SNED1: variants seen among roughly 807,000 people sequenced by gnomAD.
The protein encoded by SNED1 is sushi, nidogen and EGF like domains 1, also known as sushi, nidogen and EGF-like domain-containing protein 1.
A neutral mutation model predicts 166.7 loss-of-function variants in SNED1; 81 were observed. The observed-to-expected ratio is 0.49, with a 90% CI of 0.41 to 0.58. SNED1 has a LOEUF of 0.58. SNED1 is among the 20% of genes least tolerant of loss of function. SNED1 has a pLI of 0.00. For synonymous variants in SNED1, 762 were observed against 822.0 expected (o/e 0.93, Z 1.25); for missense variants, 1,604 against 2,000.2 (o/e 0.80, Z 3.78).
intron 1 of SNED1, among the ~76,000 whole-genome samples, chr2:241,014,116 C>G (rs1209951746): frequency 6.6e-6 from 1 of 151,812 alleles, no homozygotes; most frequent in Non-Finnish European, 1.5e-5. Context: ...TCAAGTGATT[C>G]TTGTGCCTCA....
chr2:241,002,650 G>T (rs1559206494), intron 1 of SNED1, among the ~76,000 whole-genome samples: 1 of 152,112 alleles, frequency 6.6e-6, no homozygotes, highest in South Asian at 2.1e-4. Flanking sequence ...GATCTGCCTG[G>T]ACCTCACAGG....
chr2:241,084,111 T>A (rs1046426825), intron 29 of SNED1, among the ~76,000 whole-genome samples: 5 of 151,450 alleles, frequency 3.3e-5, no homozygotes, highest in African/African-American at 1.2e-4. Context: ...TTGTACGAGT[T>A]CAATATGATG....
intron 1 of SNED1, among the ~76,000 whole-genome samples, chr2:241,014,957 C>T (rs1049649295): frequency 3.3e-5 from 5 of 152,184 alleles, no homozygotes; most frequent in Admixed American, 1.3e-4. Context: ...TGGCTGTTCC[C>T]GGGCTCTCCC....
In SNED1 at chr2:241,020,342, G is replaced by A. The variant is rs574566334; in HGVS notation, c.214-9942G>A. On this transcript the variant is annotated intron_variant, in intron 1 of 31. Coordinates refer to ENST00000310397, the MANE Select transcript of SNED1 (RefSeq NM_001080437.3). ...TCTTCTGCTGTCTCCCAGAGTTGGC[G>A]CTGGGGCTGGACAGCCACTGCCCAG... 2.6e-5 allele frequency among the ~76,000 whole-genome samples: 4 copies of A among 152,340 alleles called. No homozygotes were observed. The East Asian group carries it at 7.7e-4, about 29-fold the overall frequency.
At chr2:241,065,185 C>T (rs1014673952) in intron 20 of SNED1, 114 bp from the exon 21 acceptor site, 7 of 1,096,860 alleles carry the variant, frequency 6.4e-6, no homozygotes, top group African/African-American at 3.1e-5. Context: ...ACTCTGCCAG[C>T]GATGGCTGTG....
At chr2:241,036,611 C>G (rs1042315966) in intron 4 of SNED1, among the ~76,000 whole-genome samples, 179 bp from the exon 5 acceptor site, 1 of 152,176 alleles carries the variant, frequency 6.6e-6, no homozygotes, top group Non-Finnish European at 1.5e-5. Context: ...CCCTGCTCCC[C>G]TGCTCCCCTG....
chr2:241,024,530 G>A (rs1438695723), intron 1 of SNED1, among the ~76,000 whole-genome samples: 1 of 151,342 alleles, frequency 6.6e-6, no homozygotes, highest in Non-Finnish European at 1.5e-5. Flanking sequence ...ACAGGTGTAA[G>A]CCACCGCACC....
chr2:241,063,857 G>A (rs2062325378), intron 18 of SNED1, among the ~76,000 whole-genome samples, 155 bp from the exon 19 acceptor site: 1 of 151,982 alleles, frequency 6.6e-6, no homozygotes, highest in Non-Finnish European at 1.5e-5. Flanking sequence ...TGGAGGTGAG[G>A]GTGCTGGGGA....
rs775507392 is a variant in SNED1, at chr2:241,048,394, C to T, written c.1353C>T (p.Tyr451=). 4 of 1,611,756 alleles carry T rather than the reference C, an allele frequency of 2.5e-6. No individual in the cohort carries two copies. Among genetic ancestry groups the T allele is most frequent in the East Asian group, 2.2e-5 (1 of 44,848 alleles). ...CCTGTGTGGATGCGGACCAGGGCTACGTGTGCGAGTGCCCCGAAGGCTTCA... is the reference window on the plus strand; with the variant it reads ...CCTGTGTGGATGCGGACCAGGGCTATGTGTGCGAGTGCCCCGAAGGCTTCA... ...GGTCVDADQG[Y]VCECPEGFMG... The change falls in exon 9 of 32, where the codon TAC becomes TAT. Residue 451 remains tyrosine (Y), a synonymous_variant. Coordinates refer to ENST00000310397, the MANE Select transcript of SNED1 (RefSeq NM_001080437.3).
At chr2:241,080,411 C>A (rs940716980) in intron 27 of SNED1, among the ~76,000 whole-genome samples, 6 of 152,158 alleles carry the variant, frequency 3.9e-5, no homozygotes, top group Non-Finnish European at 5.9e-5. Context: ...ATTGAAAGGC[C>A]TGAAGCTGTG....
At position 241,053,144 on chromosome 2, in the gene SNED1, G is replaced by T; in HGVS notation, c.2084-9G>T. On this transcript the variant is annotated splice_polypyrimidine_tract_variant and intron_variant, in intron 15 of 31. Transcript: ENST00000310397. ...AGGACCGTGCGAGACAGGCTGCCGT[G>T]CCTTGCAGAGGTGGACTGCGGCCCC... The T allele has an allele frequency of 6.2e-7, 1 of 1,607,116 alleles. No individual in the cohort carries two copies.
In SNED1 at chr2:241,071,718, C is replaced by CCCCCGGA; in HGVS notation, c.3732_3733insCCCCGGA (p.Arg1245ProfsTer56). On this transcript the variant is annotated frameshift_variant and splice_region_variant, in exon 25 of 32. Coordinates refer to ENST00000310397, the MANE Select transcript of SNED1 (RefSeq NM_001080437.3). LOFTEE classifies it high-confidence loss of function. ...CCCCCGAGACCCCCACCCAGCCCCCCAGGTACATGCCCCACCCATCGGCCC... is the reference window on the plus strand; with the variant it reads ...CCCCCGAGACCCCCACCCAGCCCCCCCCCCGGAAGGTACATGCCCCACCCATCGGCCC... The CCCCCGGA allele has an allele frequency of 1.3e-6, 2 of 1,503,602 alleles. No homozygotes were observed. The highest frequency in any genetic ancestry group is 1.2e-5 in the South Asian group (1 of 83,110). 93.1% of individuals were successfully genotyped at this position (1,503,602 alleles called of 1,614,324 possible).
intron 1 of SNED1, among the ~76,000 whole-genome samples, chr2:241,027,586 T>A (rs1401003352): frequency 6.6e-6 from 1 of 152,170 alleles, no homozygotes; most frequent in Non-Finnish European, 1.5e-5. Context: ...AGAAGTGAAA[T>A]TGCTGGGTCA....
chr2:241,001,042 C>T (rs943155498), intron 1 of SNED1, among the ~76,000 whole-genome samples: 3 of 152,334 alleles, frequency 2.0e-5, no homozygotes, highest in African/African-American at 7.2e-5. Context: ...CCACGCCCAC[C>T]CAGGCCGAGC....
chr2:241,073,137 G>A lies in SNED1; in HGVS notation c.3818-129G>A, dbSNP rs773220454. On this transcript the variant is annotated intron_variant, in intron 26 of 31. Coordinates refer to ENST00000310397, the MANE Select transcript of SNED1 (RefSeq NM_001080437.3). The surrounding 1 kb of genome is among the most constrained non-coding windows in gnomAD (Gnocchi z 6.6). Reference sequence around the variant, plus strand: ...TGGGGCCGACAGGTGCTGGGGCCACGCAGGGAGCCTGGTCCCCACCAGGGA... The same window carrying A: ...TGGGGCCGACAGGTGCTGGGGCCACACAGGGAGCCTGGTCCCCACCAGGGA... The A allele has an allele frequency of 4.2e-5, 28 of 667,002 alleles. No individual in the cohort carries two copies. Among genetic ancestry groups the A allele is most frequent in the Admixed American group, 1.1e-4 (4 of 37,382 alleles). The allele number at this position is 667,002 out of a possible 1,614,324, so 41.3% of individuals were successfully genotyped here. A position where few individuals can be genotyped will look rare whatever the true frequency, so the allele number is the denominator to read the frequency against.
Position 241,081,722 on chromosome 2 carries a change from C to T in SNED1, c.3962C>T (p.Thr1321Ile). 6.2e-7 allele frequency: 1 copy of T among 1,609,854 alleles called. No individual in the cohort carries two copies. Among genetic ancestry groups the T allele is most frequent in the Non-Finnish European group, 8.5e-7 (1 of 1,178,134 alleles). ...GAAAACCCCTGTCAGAACGGAGGCACTTGTGTGCCGGGCGCAGACGCCCAC... is the reference window on the plus strand; with the variant it reads ...GAAAACCCCTGTCAGAACGGAGGCATTTGTGTGCCGGGCGCAGACGCCCAC... The part of the protein sequence containing the change: ...CSENPCQNGG[T>I]CVPGADAHSC... The change falls in exon 28 of 32, where the codon ACT becomes ATT. Residue 1321 changes from threonine (T) to isoleucine (I), a missense_variant. By Grantham distance (89) the Thr-to-Ile change is moderately conservative. Transcript: ENST00000310397.
chr2:241,061,662 G>A (rs976537049), intron 16 of SNED1, among the ~76,000 whole-genome samples: 9 of 151,984 alleles, frequency 5.9e-5, no homozygotes, highest in Non-Finnish European at 1.0e-4. Flanking sequence ...TGAGGCAGGC[G>A]GATCACGAAG....
At position 241,075,845 on chromosome 2, in the gene SNED1, A is replaced by G. The variant is rs546311211; in HGVS notation, c.3916+2481A>G. 1.4e-5 allele frequency among the ~76,000 whole-genome samples: 2 copies of G among 146,854 alleles called. No homozygotes were observed. Among genetic ancestry groups the G allele is most frequent in the Admixed American group, 6.7e-5 (1 of 14,906 alleles). On this transcript the variant is annotated intron_variant, in intron 27 of 31. Coordinates refer to ENST00000310397, the MANE Select transcript of SNED1 (RefSeq NM_001080437.3). This position sits in a 1 kb window ranked among gnomAD's most constrained non-coding sequence, Gnocchi z 4.8. ...TTTGCTTTTGACCTGTAGGTCATTA[A>G]TCTGTTAGACTGTGTGTGTGTGAGA...
intron 24 of SNED1, 46 bp downstream of exon 24, chr2:241,070,247 G>A: frequency 6.5e-7 from 1 of 1,549,898 alleles, no homozygotes; most frequent in Non-Finnish European, 8.7e-7. Context: ...GTGTTTGCCA[G>A]CCCTCCACCC....
Sources: allele counts gnomAD v4.1 joint callset (sites outside exome capture counted in the v4.1 genomes callset), GRCh38; gene constraint gnomAD v4.1.1; non-coding constraint Gnocchi (gnomAD v3.1); transcripts MANE v1.5; gene names NCBI Gene and HGNC (gene_info 2026-07-23, HGNC 2026-07-21).